SLC7A5: variants seen among roughly 807,000 people sequenced by gnomAD.
The protein encoded by SLC7A5 is solute carrier family 7 member 5.
A neutral mutation model predicts 50.2 loss-of-function variants in SLC7A5; 23 were observed. The observed-to-expected ratio is 0.46, with a 90% CI of 0.33 to 0.65. The LOEUF is 0.65. Among genes scored for constraint, SLC7A5 ranks in the 30% least tolerant of loss-of-function variants. The pLI, the probability that SLC7A5 is intolerant of heterozygous loss-of-function variation, is 0.02. For synonymous variants in SLC7A5, 393 were observed against 330.6 expected (o/e 1.19, Z -2.05); for missense variants, 578 against 684.4 (o/e 0.84, Z 1.73).
chr16:87,854,007 G>A (rs966038999), intron 1 of SLC7A5: 4 of 152,076 alleles, frequency 2.6e-5, no homozygotes, highest in East Asian at 1.9e-4. Context: ...CCACACTGAC[G>A]TGGTGCTGGG....
chr16:87,836,105 C>T (rs12444533), intron 8 of SLC7A5, among the ~76,000 whole-genome samples: 40,341 of 152,122 alleles, frequency 0.27, 5,673 homozygotes, highest in South Asian at 0.38. Flanking sequence ...TGGGCCCAGG[C>T]GCTCCTCGGG....
In SLC7A5 at chr16:87,837,825, G is replaced by C; in HGVS notation, c.1140+20C>G. On this transcript the variant is annotated intron_variant, in intron 7 of 9. Transcript: ENST00000261622. Reference sequence around the variant, plus strand: ...ACAACCCCCAGGGATGTAGGGCACAGGGCCGTGCAGCAGGCTTACCGTGAA... The same window carrying C: ...ACAACCCCCAGGGATGTAGGGCACACGGCCGTGCAGCAGGCTTACCGTGAA... 7 of 1,586,240 alleles carry C rather than the reference G, an allele frequency of 4.4e-6. No homozygotes were observed. The highest frequency in any genetic ancestry group is 1.7e-4 in the Middle Eastern group (1 of 5,916).
At chr16:87,851,684 C>G in intron 2 of SLC7A5, 40 bp downstream of exon 2, 1 of 1,601,566 alleles carries the variant, frequency 6.2e-7, no homozygotes, top group South Asian at 1.1e-5. Context: ...ACAGGCAAAG[C>G]CTCGAGGGGC....
Position 87,838,785 on chromosome 16 carries a change from G to A in SLC7A5, c.972C>T (p.Ser324=). The change falls in exon 6 of 10, where the codon TCC becomes TCT. Residue 324 remains serine, a synonymous_variant. Coordinates refer to ENST00000261622, the MANE Select transcript of SLC7A5 (RefSeq NM_003486.7). ...DFGNYHLGVM[S]WIIPVFVGLS... ...GGCCCACGAAGACGGGGATGATCCA[G>A]GACATGACGCCCAGGTGATAGTTCC... The A allele has an allele frequency of 6.2e-7, 1 of 1,614,052 alleles. No homozygotes were observed. The highest frequency in any genetic ancestry group is 8.5e-7 in the Non-Finnish European group (1 of 1,180,010).
chr16:87,837,787 TG>T, intron 7 of SLC7A5, 57 bp downstream of exon 7: 1 of 1,428,170 alleles, frequency 7.0e-7, no homozygotes, highest in Non-Finnish European at 9.7e-7. Context: ...AGCCTCCCTC[TG>T]GGAGCCCCCG....
At chr16:87,867,048 C>T (rs1371057456) in intron 1 of SLC7A5, among the ~76,000 whole-genome samples, 1 of 151,172 alleles carries the variant, frequency 6.6e-6, no homozygotes, top group Non-Finnish European at 1.5e-5. Flanking sequence ...GACTCATAAG[C>T]AGCTGGGATT....
chr16:87,856,447 G>A (rs754603556), intron 1 of SLC7A5, among the ~76,000 whole-genome samples: 7 of 152,354 alleles, frequency 4.6e-5, no homozygotes, highest in Middle Eastern at 3.4e-3. Context: ...ACAGCAGTTC[G>A]CACGGGGCCG....
intron 1 of SLC7A5, among the ~76,000 whole-genome samples, chr16:87,868,560 C>T (rs1246666738): frequency 1.3e-5 from 2 of 152,206 alleles, no homozygotes; most frequent in Non-Finnish European, 2.9e-5. Flanking sequence ...ACGCAAGAGG[C>T]TGGGAGTATT....
chr16:87,834,845 G>A (rs370387530), intron 8 of SLC7A5, among the ~76,000 whole-genome samples: 36 of 152,326 alleles, frequency 2.4e-4, no homozygotes, highest in Admixed American at 3.3e-4. Context: ...TTCGTCTCCC[G>A]AGGCCTCCCA....
At chr16:87,864,475 A>T (rs1408586646) in intron 1 of SLC7A5, among the ~76,000 whole-genome samples, 1 of 151,972 alleles carries the variant, frequency 6.6e-6, no homozygotes, top group Non-Finnish European at 1.5e-5. Context: ...GCCCCCCTAT[A>T]AGGGCAGGGT....
rs751928058 is a variant in SLC7A5 at position 87,838,829 on chromosome 16, C to T, written c.940-12G>A. ...TAGTTCCCGAAGTCCTAGGCAGGCA[C>T]AACCAGTGAGCTGGGCCCCACCGGG... On this transcript the variant is annotated splice_polypyrimidine_tract_variant and intron_variant, in intron 5 of 9. Coordinates refer to ENST00000261622, the MANE Select transcript of SLC7A5 (RefSeq NM_003486.7). 1 of 1,607,390 alleles carries T rather than the reference C, an allele frequency of 6.2e-7. No individual in the cohort carries two copies. Among genetic ancestry groups the T allele is most frequent in the East Asian group, 2.2e-5 (1 of 44,846 alleles).
At chr16:87,847,755 G>A (rs1343996567) in intron 2 of SLC7A5, among the ~76,000 whole-genome samples, 2 of 152,130 alleles carry the variant, frequency 1.3e-5, no homozygotes, top group Admixed American at 6.5e-5. Context: ...CACTGCTCAC[G>A]GCTGTGGGAC....
chr16:87,869,273 G>C lies in SLC7A5; in HGVS notation c.150C>G (p.Ile50Met), dbSNP rs765987735. ...TGATGGCCACGCCGTTGAGCAGCGT[G>C]ATGTTCCGCTGCAGGGTCACGCCCT... ...EGEGVTLQRNITLLNGVAIIV... is the reference protein window; with the variant it reads ...EGEGVTLQRNMTLLNGVAIIV... The change falls in exon 1 of 10, where the codon ATC becomes ATG. Residue 50 changes from isoleucine (I) to methionine (M), a missense_variant. Ile to Met is a conservative substitution (Grantham distance 10). Coordinates refer to ENST00000261622, the MANE Select transcript of SLC7A5 (RefSeq NM_003486.7). 2 of 1,612,324 alleles carry C rather than the reference G, an allele frequency of 1.2e-6. No homozygotes were observed. The highest frequency in any genetic ancestry group is 8.5e-7 in the Non-Finnish European group (1 of 1,179,828).
intron 1 of SLC7A5, among the ~76,000 whole-genome samples, chr16:87,856,309 G>A (rs559251524): frequency 3.9e-5 from 6 of 152,364 alleles, no homozygotes; most frequent in African/African-American, 1.4e-4. Context: ...TGTGAGCTGT[G>A]CAGCTTTATA....
intron 8 of SLC7A5, 74 bp from the exon 9 acceptor site, chr16:87,834,665 G>A (rs1365901311): frequency 2.1e-6 from 3 of 1,435,200 alleles, no homozygotes; most frequent in Non-Finnish European, 2.9e-6. Flanking sequence ...AGGTTCCTCA[G>A]CCCTCCTGGG....
At chr16:87,835,460 G>T (rs1193648204) in intron 8 of SLC7A5, among the ~76,000 whole-genome samples, 1 of 152,206 alleles carries the variant, frequency 6.6e-6, no homozygotes, top group East Asian at 1.9e-4. Flanking sequence ...CAGCATCTGG[G>T]TTCTTGTGCT....
chr16:87,846,157 G>A (rs1203425003), intron 2 of SLC7A5, among the ~76,000 whole-genome samples: 1 of 152,202 alleles, frequency 6.6e-6, no homozygotes, highest in Non-Finnish European at 1.5e-5. Context: ...TGTCCGGAGT[G>A]GAGCCACACT....
chr16:87,854,607 T>C (rs1006130901), intron 1 of SLC7A5, among the ~76,000 whole-genome samples: 2 of 152,060 alleles, frequency 1.3e-5, no homozygotes, highest in African/African-American at 4.8e-5. Context: ...TGAGTCAGAG[T>C]GAGGGGGCTG....
In SLC7A5 at chr16:87,851,707, C is replaced by T; in HGVS notation, c.664+17G>A. 6.2e-7 allele frequency: 1 copy of T among 1,607,728 alleles called. No homozygotes were observed. The highest frequency in any genetic ancestry group is 8.5e-7 in the Non-Finnish European group (1 of 1,175,724). On this transcript the variant is annotated intron_variant, in intron 2 of 9. Coordinates refer to ENST00000261622, the MANE Select transcript of SLC7A5 (RefSeq NM_003486.7). ...AGCCTCGAGGGGCCGCCGGTGGGGC[C>T]TGGGGGACGTACTCACCCTTCCCGA...
Sources: allele counts gnomAD v4.1 joint callset (sites outside exome capture counted in the v4.1 genomes callset), GRCh38; gene constraint gnomAD v4.1.1; transcripts MANE v1.5; gene names NCBI Gene and HGNC (gene_info 2026-07-23, HGNC 2026-07-21).